The following ZNF609 variants were observed in gnomAD, a reference collection of about 807,000 sequenced individuals.
The protein encoded by ZNF609 is zinc finger protein 609.
In ZNF609, 11 loss-of-function variants were observed where a neutral mutation model predicts 109.5. That is an observed-to-expected ratio of 0.10 (90% CI 0.06 to 0.17). The LOEUF (loss-of-function observed/expected upper bound fraction) is 0.17, where lower values mean the gene tolerates loss of function less well. Ranked by LOEUF, ZNF609 falls within the 10% of genes least tolerant of loss-of-function variation. ZNF609 has a pLI of 1.00. For synonymous variants in ZNF609, 646 were observed against 662.0 expected (o/e 0.98, Z 0.37); for missense variants, 1,559 against 1,772.4 (o/e 0.88, Z 2.16).
At chr15:64,567,899 G>C (rs1243575071) in intron 2 of ZNF609, among the ~76,000 whole-genome samples, 2 of 151,884 alleles carry the variant, frequency 1.3e-5, no homozygotes, top group Non-Finnish European at 2.9e-5. Flanking sequence ...CTGACATCGT[G>C]ATCTGCCCAC....
At chr15:64,668,319 T>C (rs1896679312) in intron 3 of ZNF609, among the ~76,000 whole-genome samples, 2 of 152,044 alleles carry the variant, frequency 1.3e-5, no homozygotes, top group African/African-American at 4.8e-5. Flanking sequence ...ATAAAACAAA[T>C]ACAACAAGAC....
chr15:64,541,044 A>C (rs961111026), intron 2 of ZNF609, among the ~76,000 whole-genome samples: 1 of 150,166 alleles, frequency 6.7e-6, no homozygotes, highest in African/African-American at 2.5e-5. Flanking sequence ...AAAAAAAAAA[A>C]AAACTTTTGT....
At chr15:64,562,355 G>A (rs895837522) in intron 2 of ZNF609, among the ~76,000 whole-genome samples, 1 of 152,146 alleles carries the variant, frequency 6.6e-6, no homozygotes, top group Non-Finnish European at 1.5e-5. Flanking sequence ...AATAGCCTTG[G>A]CATTTGAAGA....
chr15:64,680,430 G>A (rs1481773454), intron 7 of ZNF609, 70 bp downstream of exon 7: 6 of 1,574,310 alleles, frequency 3.8e-6, no homozygotes, highest in Non-Finnish European at 5.2e-6. Context: ...TCTGGGAGAA[G>A]GTGGGCAAGT....
At chr15:64,472,232 T>C (rs7172240) in intron 1 of ZNF609, among the ~76,000 whole-genome samples, 8,595 of 152,180 alleles carry the variant, frequency 0.056, 825 homozygotes, top group African/African-American at 0.19. Flanking sequence ...TTTTTATAGA[T>C]GGTTTAAAAA....
intron 2 of ZNF609, among the ~76,000 whole-genome samples, chr15:64,588,127 G>A (rs1022875757): frequency 2.0e-5 from 3 of 151,072 alleles, no homozygotes; most frequent in Non-Finnish European, 4.4e-5. Flanking sequence ...AGTGGAGTGA[G>A]ACCTTAAAAA....
At chr15:64,498,166 C>T (rs1223249706) in intron 1 of ZNF609, among the ~76,000 whole-genome samples, 1 of 152,044 alleles carries the variant, frequency 6.6e-6, no homozygotes, top group Non-Finnish European at 1.5e-5. Flanking sequence ...TCTTCTGCCT[C>T]AGCCTCCCGA....
At chr15:64,657,568 C>T (rs959904128) in intron 3 of ZNF609, among the ~76,000 whole-genome samples, 1 of 152,092 alleles carries the variant, frequency 6.6e-6, no homozygotes, top group Non-Finnish European at 1.5e-5. Flanking sequence ...GAGCTGAGAT[C>T]GCGCTACTGC....
At chr15:64,642,351 C>CT (rs200631703) in intron 3 of ZNF609, among the ~76,000 whole-genome samples, 1,665 of 151,776 alleles carry the variant, frequency 0.011, 25 homozygotes, top group African/African-American at 0.031. Context: ...GTCTGGCTAA[C>CT]TTTTTTTTTC....
intron 2 of ZNF609, among the ~76,000 whole-genome samples, chr15:64,597,217 T>A (rs937562073): frequency 2.0e-5 from 3 of 152,152 alleles, no homozygotes; most frequent in African/African-American, 7.2e-5. Context: ...TTTGAGTGCC[T>A]CTTTTTCTTG....
At chr15:64,469,211 C>T (rs1209278511) in intron 1 of ZNF609, among the ~76,000 whole-genome samples, 7 of 151,200 alleles carry the variant, frequency 4.6e-5, no homozygotes, top group Admixed American at 6.6e-5. Context: ...TGCAGTGAGC[C>T]GAGATCAAGC....
At chr15:64,566,491 TGTGTAA>T (rs1380522951) in intron 2 of ZNF609, among the ~76,000 whole-genome samples, 1 of 152,198 alleles carries the variant, frequency 6.6e-6, no homozygotes, top group African/African-American at 2.4e-5. Flanking sequence ...CTTCAAAATA[TGTGTAA>T]GTGTAATTGT....
intron 1 of ZNF609, among the ~76,000 whole-genome samples, chr15:64,483,341 G>C (rs139652819): frequency 6.6e-6 from 1 of 152,018 alleles, no homozygotes; most frequent in Non-Finnish European, 1.5e-5. Flanking sequence ...TGATCTGCCC[G>C]CCTCAGCCTC....
At chr15:64,491,004 G>A (rs1397680175) in intron 1 of ZNF609, among the ~76,000 whole-genome samples, 1 of 152,220 alleles carries the variant, frequency 6.6e-6, no homozygotes, top group Non-Finnish European at 1.5e-5. Flanking sequence ...GGTCAGATAA[G>A]CCCTGTTGAA....
intron 2 of ZNF609, among the ~76,000 whole-genome samples, chr15:64,549,191 T>C (rs1210735648): frequency 6.6e-6 from 1 of 151,996 alleles, no homozygotes; most frequent in East Asian, 1.9e-4. Context: ...TTGGTTTTGG[T>C]TTGGTTTGGT....
intron 1 of ZNF609, among the ~76,000 whole-genome samples, chr15:64,479,388 T>G (rs1285033958): frequency 7.0e-6 from 1 of 143,560 alleles, no homozygotes; most frequent in African/African-American, 2.6e-5. Flanking sequence ...GCCTCCCGGA[T>G]TCACACCATT....
chr15:64,584,313 C>T (rs1895159565), intron 2 of ZNF609, among the ~76,000 whole-genome samples: 1 of 151,948 alleles, frequency 6.6e-6, no homozygotes, highest in African/African-American at 2.4e-5. Context: ...ATTTATTTAT[C>T]TACTTATTTT....
intron 2 of ZNF609, among the ~76,000 whole-genome samples, chr15:64,569,413 C>T: frequency 6.6e-6 from 1 of 152,180 alleles, no homozygotes; most frequent in East Asian, 1.9e-4. Flanking sequence ...AAAGTGGTAA[C>T]AGTAATTCTA....
chr15:64,468,614 T>TGTGC (rs544726810), intron 1 of ZNF609, among the ~76,000 whole-genome samples: 65 of 152,092 alleles, frequency 4.3e-4, no homozygotes, highest in African/African-American at 1.5e-3. Flanking sequence ...TGCACTCCAG[T>TGTGC]CTGGTTGCCC....
Sources: allele counts gnomAD v4.1 joint callset (sites outside exome capture counted in the v4.1 genomes callset), GRCh38; gene constraint gnomAD v4.1.1; transcripts MANE v1.5; gene names NCBI Gene and HGNC (gene_info 2026-07-23, HGNC 2026-07-21).